TECRL: variants seen among roughly 807,000 people sequenced by gnomAD.
The protein encoded by TECRL is trans-2,3-enoyl-CoA reductase like.
Under a neutral mutation model 52.8 loss-of-function variants are expected in TECRL, and 63 were observed. That is an observed-to-expected ratio of 1.19 (90% CI 0.97 to 1.47). TECRL has a LOEUF of 1.47. Among genes scored for constraint, TECRL ranks in the 40% most tolerant of loss-of-function variants. TECRL has a pLI of 0.00. For missense variants in TECRL, 482 were observed against 429.6 expected (o/e 1.12, Z -1.08); for synonymous variants, 164 against 141.9 (o/e 1.16, Z -1.10).
chr4:64,399,026 G>T (rs10002726), intron 1 of TECRL, among the ~76,000 whole-genome samples: 97,311 of 152,006 alleles, frequency 0.64, 32,458 homozygotes, highest in Non-Finnish European at 0.74. Flanking sequence ...TGTGTAGCCT[G>T]CCTTATTTTG....
chr4:64,368,760 C>G (rs190106059), intron 2 of TECRL, among the ~76,000 whole-genome samples: 12 of 152,148 alleles, frequency 7.9e-5, no homozygotes, highest in Admixed American at 7.9e-4. Context: ...AATTCCACAG[C>G]CTTGTCCAGG....
chr4:64,325,547 CTAAATTTGTG>C (rs1718206575), intron 3 of TECRL, among the ~76,000 whole-genome samples: 2 of 151,998 alleles, frequency 1.3e-5, no homozygotes, highest in Non-Finnish European at 1.5e-5. Context: ...TTTTATACTG[CTAAATTTGTG>C]TAAATTTGTT....
intron 1 of TECRL, among the ~76,000 whole-genome samples, chr4:64,380,320 C>T (rs1015855576): frequency 2.0e-5 from 3 of 152,080 alleles, no homozygotes; most frequent in Admixed American, 6.6e-5. Context: ...ATTAGTCCCT[C>T]GTCAGAGGAA....
chr4:64,280,545 A>G (rs1242301005), intron 11 of TECRL, among the ~76,000 whole-genome samples: 1 of 152,138 alleles, frequency 6.6e-6, no homozygotes, highest in Non-Finnish European at 1.5e-5. Context: ...ATAATAAACC[A>G]CATTAATTGT....
At chr4:64,346,724 G>T (rs1720015270) in intron 2 of TECRL, among the ~76,000 whole-genome samples, 1 of 152,220 alleles carries the variant, frequency 6.6e-6, no homozygotes, top group Non-Finnish European at 1.5e-5. Context: ...GGTCTCTGAG[G>T]TGCCCTGGAG....
At chr4:64,337,141 T>C (rs1449812556) in intron 2 of TECRL, among the ~76,000 whole-genome samples, 2 of 152,142 alleles carry the variant, frequency 1.3e-5, no homozygotes, top group African/African-American at 2.4e-5. Context: ...TCAATCAACA[T>C]AATCCAGCAT....
chr4:64,399,186 G>A (rs73232048), intron 1 of TECRL, among the ~76,000 whole-genome samples: 18 of 152,092 alleles, frequency 1.2e-4, no homozygotes, highest in Admixed American at 4.6e-4. Flanking sequence ...CAGAACCCAC[G>A]AGTGTATTCT....
intron 4 of TECRL, among the ~76,000 whole-genome samples, chr4:64,318,252 A>G (rs910736262): frequency 2.0e-4 from 31 of 152,184 alleles, no homozygotes; most frequent in African/African-American, 7.0e-4. Context: ...AAAGATGCAC[A>G]TAACAGGAAT....
chr4:64,291,885 CT>C (rs1185830691), intron 8 of TECRL, among the ~76,000 whole-genome samples: 16 of 152,006 alleles, frequency 1.1e-4, no homozygotes, highest in South Asian at 4.1e-4. Context: ...TGATGAAATG[CT>C]TACATGGTAA....
chr4:64,283,417 C>T (rs1176388790), intron 9 of TECRL, among the ~76,000 whole-genome samples: 1 of 152,006 alleles, frequency 6.6e-6, no homozygotes, highest in East Asian at 1.9e-4. Context: ...ATGAGTACTC[C>T]ATAGCTGATG....
chr4:64,366,014 T>C (rs1200902356), intron 2 of TECRL, among the ~76,000 whole-genome samples: 2 of 152,028 alleles, frequency 1.3e-5, no homozygotes, highest in African/African-American at 4.8e-5. Context: ...CAAAACAGTA[T>C]GGTACTAGTA....
chr4:64,385,808 C>T lies in TECRL; in HGVS notation c.235-10585G>A, dbSNP rs190758828. On this transcript the variant is annotated intron_variant, in intron 1 of 11. Coordinates refer to ENST00000381210, the MANE Select transcript of TECRL (RefSeq NM_001010874.5). Reference sequence around the variant, plus strand: ...AGCTCCTTATACTAGTCTTGGGGCCCATGAGGGCTGAGGGGCTATCCCAGG... The same window carrying T: ...AGCTCCTTATACTAGTCTTGGGGCCTATGAGGGCTGAGGGGCTATCCCAGG... 4.1e-3 allele frequency among the ~76,000 whole-genome samples: 618 copies of T among 152,232 alleles called. 5 individuals carry two copies. Among genetic ancestry groups the T allele is most frequent in the Non-Finnish European group, 6.9e-3 (471 of 67,994 alleles).
intron 1 of TECRL, among the ~76,000 whole-genome samples, chr4:64,400,035 G>T (rs11727042): frequency 0.64 from 97,359 of 151,972 alleles, 32,474 homozygotes; most frequent in Non-Finnish European, 0.74. Context: ...TGGAAAAGTT[G>T]CTGGCACTCA....
At chr4:64,327,528 T>G (rs768503934) in intron 3 of TECRL, among the ~76,000 whole-genome samples, 14 of 152,088 alleles carry the variant, frequency 9.2e-5, no homozygotes, top group Non-Finnish European at 1.6e-4. Flanking sequence ...AAGGCAAAAG[T>G]AGATGAGACA....
At chr4:64,306,699 G>T (rs1313636162) in intron 6 of TECRL, among the ~76,000 whole-genome samples, 3 of 152,160 alleles carry the variant, frequency 2.0e-5, no homozygotes, top group Non-Finnish European at 2.9e-5. Flanking sequence ...GCACTGTAAA[G>T]GAGGCTATTT....
At position 64,322,684 on chromosome 4, in the gene TECRL, C is replaced by T; in HGVS notation, c.435+5G>A. The T allele has an allele frequency of 4.4e-6, 7 of 1,577,614 alleles. No homozygotes were observed. The highest frequency in any genetic ancestry group is 6.0e-6 in the Non-Finnish European group (7 of 1,159,548). On this transcript the variant is annotated splice_donor_5th_base_variant and intron_variant, in intron 4 of 11. Coordinates refer to ENST00000381210, the MANE Select transcript of TECRL (RefSeq NM_001010874.5). ...ATGTATATTACATTTCAAATTAACA[C>T]TTACTGTGGTCCAACTGACTTGTTG...
intron 1 of TECRL, among the ~76,000 whole-genome samples, chr4:64,402,132 C>G (rs904892178): frequency 2.6e-5 from 4 of 151,968 alleles, no homozygotes; most frequent in Non-Finnish European, 5.9e-5. Context: ...ATGACCTATT[C>G]TTTTTTCTGA....
At chr4:64,368,510 G>A (rs1306338685) in intron 2 of TECRL, among the ~76,000 whole-genome samples, 1 of 152,034 alleles carries the variant, frequency 6.6e-6, no homozygotes, top group Non-Finnish European at 1.5e-5. Flanking sequence ...TGACCAGGCT[G>A]GTCTCAAACT....
Position 64,305,243 on chromosome 4 carries a change from A to T in TECRL, c.658-5T>A. ...TCCCCAGTAAAAGGCACAACTCTGC[A>T]AACAAAACAAAACAAAATAAAAGTT... On this transcript the variant is annotated splice_region_variant and splice_polypyrimidine_tract_variant and intron_variant, in intron 6 of 11. Coordinates refer to ENST00000381210, the MANE Select transcript of TECRL (RefSeq NM_001010874.5). 1 of 1,607,706 alleles carries T rather than the reference A, an allele frequency of 6.2e-7. No individual in the cohort carries two copies. Among genetic ancestry groups the T allele is most frequent in the Non-Finnish European group, 8.5e-7 (1 of 1,176,610 alleles).
Sources: gnomAD v4.1 joint callset for allele counts (sites outside exome capture counted in the v4.1 genomes callset) on GRCh38, gnomAD v4.1.1 for gene constraint, MANE v1.5 for transcripts, NCBI Gene and HGNC (gene_info 2026-07-23, HGNC 2026-07-21) for gene names.